The following GLIS3 variants were observed in gnomAD, a reference collection of about 807,000 sequenced individuals.
GLIS3 encodes GLIS family zinc finger 3.
In GLIS3, 53 loss-of-function variants were observed where a neutral mutation model predicts 78.6. That is an observed-to-expected ratio of 0.67 (90% CI 0.54 to 0.85). The LOEUF is 0.85. Ranked by LOEUF, GLIS3 falls within the 40% of genes least tolerant of loss-of-function variation. GLIS3 has a pLI of 0.00. For missense variants in GLIS3, 1,703 were observed against 1,231.1 expected, an observed-to-expected ratio of 1.38 and a Z score of -5.74; for synonymous variants, 684 against 509.9, an observed-to-expected ratio of 1.34 and a Z score of -4.60.
At chr9:4,175,934 C>T (rs1816779926) in intron 2 of GLIS3, among the ~76,000 whole-genome samples, 1 of 152,210 alleles carries the variant, frequency 6.6e-6, no homozygotes, top group Admixed American at 6.5e-5. Flanking sequence ...TAGGAGATGA[C>T]ATAGCCAGAA....
At chr9:4,256,341 A>G (rs1305687584) in intron 2 of GLIS3, among the ~76,000 whole-genome samples, 3 of 152,220 alleles carry the variant, frequency 2.0e-5, no homozygotes, top group African/African-American at 4.8e-5. Flanking sequence ...ATGTTTTAAT[A>G]TTAAGTATGA....
At chr9:4,202,075 T>G (rs956853659) in intron 2 of GLIS3, among the ~76,000 whole-genome samples, 2 of 151,298 alleles carry the variant, frequency 1.3e-5, no homozygotes, top group African/African-American at 4.9e-5. Context: ...GAGACGGAGG[T>G]TGCAGTGAGC....
intron 6 of GLIS3, among the ~76,000 whole-genome samples, chr9:3,930,173 G>A (rs1271457782): frequency 6.6e-6 from 1 of 152,154 alleles, no homozygotes; most frequent in Non-Finnish European, 1.5e-5. Context: ...TGGATAAAAA[G>A]GCAGGCTAAA....
At chr9:3,845,932 A>G (rs1394989491) in intron 9 of GLIS3, among the ~76,000 whole-genome samples, 1 of 152,128 alleles carries the variant, frequency 6.6e-6, no homozygotes, top group East Asian at 1.9e-4. Flanking sequence ...AAGATTTAAA[A>G]CTTCTGGGCA....
chr9:4,416,315 T>C, the GLIS3 span, among the ~76,000 whole-genome samples: 1 of 134,604 alleles, frequency 7.4e-6, no homozygotes, highest in African/African-American at 2.8e-5. Flanking sequence ...ATGGAAAAAA[T>C]TACAACTGTT....
intron 2 of GLIS3, among the ~76,000 whole-genome samples, chr9:4,279,307 A>AT (rs1827315092): frequency 2.4e-5 from 2 of 82,584 alleles, no homozygotes; most frequent in African/African-American, 1.4e-4. Flanking sequence ...CAAAAAAAAA[A>AT]AAAAAAAATA....
intron 4 of GLIS3, among the ~76,000 whole-genome samples, chr9:4,075,548 A>G (rs1210085117): frequency 6.6e-6 from 1 of 152,162 alleles, no homozygotes; most frequent in African/African-American, 2.4e-5. Flanking sequence ...TGCACTCCAG[A>G]CTGGATGACA....
At chr9:4,164,819 C>A (rs1564139535) in intron 2 of GLIS3, among the ~76,000 whole-genome samples, 1 of 151,982 alleles carries the variant, frequency 6.6e-6, no homozygotes, top group Non-Finnish European at 1.5e-5. Flanking sequence ...ATGAACACTC[C>A]CAAGCAAAGC....
intron 4 of GLIS3, among the ~76,000 whole-genome samples, chr9:3,941,662 G>A (rs1458848806): frequency 6.6e-6 from 1 of 152,142 alleles, no homozygotes; most frequent in Non-Finnish European, 1.5e-5. Context: ...ACACATATGG[G>A]AAAAGGGCAT....
At chr9:3,865,570 G>T (rs553392318) in intron 8 of GLIS3, among the ~76,000 whole-genome samples, 1 of 152,236 alleles carries the variant, frequency 6.6e-6, no homozygotes, top group African/African-American at 2.4e-5. Flanking sequence ...CCATGAGTTA[G>T]TGTGACTTCC....
chr9:3,873,901 C>T (rs1304273033), intron 8 of GLIS3, among the ~76,000 whole-genome samples: 1 of 152,098 alleles, frequency 6.6e-6, no homozygotes, highest in Non-Finnish European at 1.5e-5. Flanking sequence ...ATAATTGTTC[C>T]TCATATTTTC....
intron 4 of GLIS3, among the ~76,000 whole-genome samples, chr9:3,938,483 A>G (rs1009042587): frequency 6.6e-6 from 1 of 152,178 alleles, no homozygotes; most frequent in African/African-American, 2.4e-5. Context: ...AGAGCTGGCC[A>G]GGTTTTGGTT....
At chr9:4,313,449 C>A (rs901771492) in intron 2 of GLIS3, among the ~76,000 whole-genome samples, 2 of 152,154 alleles carry the variant, frequency 1.3e-5, no homozygotes, top group African/African-American at 4.8e-5. Context: ...CTCCCACCAC[C>A]CAACTTGAGG....
intron 2 of GLIS3, among the ~76,000 whole-genome samples, chr9:4,317,504 T>C (rs1015921258): frequency 4.6e-5 from 7 of 152,210 alleles, no homozygotes; most frequent in African/African-American, 1.7e-4. Context: ...AATATCAGTC[T>C]AAAGAAGACA....
At chr9:4,025,448 C>G (rs183519991) in intron 4 of GLIS3, among the ~76,000 whole-genome samples, 1 of 151,946 alleles carries the variant, frequency 6.6e-6, no homozygotes, top group Non-Finnish European at 1.5e-5. Context: ...AGTGGGGTGG[C>G]GTGATCTTGG....
chr9:3,859,335 A>C (rs1820005041), intron 8 of GLIS3, among the ~76,000 whole-genome samples: 1 of 146,228 alleles, frequency 6.8e-6, no homozygotes, highest in African/African-American at 2.5e-5. Context: ...CTACTTTCCA[A>C]CCCTGTTTCT....
At chr9:4,274,593 G>C (rs1395095195) in intron 2 of GLIS3, among the ~76,000 whole-genome samples, 1 of 152,136 alleles carries the variant, frequency 6.6e-6, no homozygotes, top group Non-Finnish European at 1.5e-5. Context: ...CAGGGGATGG[G>C]ACCACACATT....
rs144100846 is a variant in GLIS3 at position 3,889,115 on chromosome 9, C to T, written c.2129-9520G>A. 1.1e-3 allele frequency among the ~76,000 whole-genome samples: 165 copies of T among 152,212 alleles called. 1 individual carries two copies. Among genetic ancestry groups the T allele is most frequent in the African/African-American group, 3.9e-3 (163 of 41,528 alleles). On this transcript the variant is annotated intron_variant, in intron 7 of 10. Transcript: ENST00000381971. ...CCTTTCTAGGAAAAAAAATCTTGGG[C>T]AGAATAAAACCAGGACTGCCCCTGC...
At position 4,199,189 on chromosome 9, in the gene GLIS3, G is replaced by A. The variant is rs966274345; in HGVS notation, c.389-73248C>T. Among the ~76,000 whole-genome samples, 6 of 152,190 alleles carry A rather than the reference G, an allele frequency of 3.9e-5. No individual in the cohort carries two copies. The East Asian group carries it at 1.2e-3, about 29-fold the overall frequency. ...AAAGCAACCAGCCAACAACTTCATA[G>A]AAGGGTCAAAGTCTCACATCTCAGT... On this transcript the variant is annotated intron_variant, in intron 2 of 10. Coordinates refer to ENST00000381971, the MANE Select transcript of GLIS3 (RefSeq NM_001042413.2).
Sources: gnomAD v4.1 joint callset for allele counts (sites outside exome capture counted in the v4.1 genomes callset) on GRCh38, gnomAD v4.1.1 for gene constraint, MANE v1.5 for transcripts, NCBI Gene and HGNC (gene_info 2026-07-23, HGNC 2026-07-21) for gene names.